Variants in OPCML observed in about 807,000 individuals in gnomAD.
The protein encoded by OPCML is opioid-binding protein/cell adhesion molecule.
A neutral mutation model predicts 37.8 loss-of-function variants in OPCML; 13 were observed. That is an observed-to-expected ratio of 0.34 (90% CI 0.22 to 0.55). The LOEUF (loss-of-function observed/expected upper bound fraction) is 0.55. Ranked by LOEUF, OPCML falls within the 20% of genes least tolerant of loss-of-function variation. OPCML has a pLI of 0.91. For missense variants in OPCML, 341 were observed against 435.6 expected (o/e 0.78, Z 1.93); for synonymous variants, 176 against 168.8 (o/e 1.04, Z -0.33).
At chr11:133,317,776 C>T (rs765110275) in intron 1 of OPCML, among the ~76,000 whole-genome samples, 5 of 152,198 alleles carry the variant, frequency 3.3e-5, no homozygotes, top group Non-Finnish European at 5.9e-5. Context: ...TTAGCAGAAC[C>T]TCCAGATTCA....
intron 2 of OPCML, among the ~76,000 whole-genome samples, chr11:132,883,030 G>GA: frequency 6.6e-6 from 1 of 152,276 alleles, no homozygotes; most frequent in Non-Finnish European, 1.5e-5. Flanking sequence ...TGCGACAGTT[G>GA]AAAAAGAATT....
intron 1 of OPCML, among the ~76,000 whole-genome samples, chr11:133,283,601 A>T (rs1942220477): frequency 6.6e-6 from 1 of 152,156 alleles, no homozygotes; most frequent in Admixed American, 6.5e-5. Context: ...AAATGGACTA[A>T]TACATGTGGT....
chr11:133,184,024 G>T lies in OPCML; in HGVS notation c.62-241014C>A, dbSNP rs1215238863. Reference sequence around the variant, plus strand: ...TGATAAAACGCAGTGTAGCTATCTGGCTCAGCAGAGATGATCTGAGCTTGA... The same window carrying T: ...TGATAAAACGCAGTGTAGCTATCTGTCTCAGCAGAGATGATCTGAGCTTGA... On this transcript the variant is annotated intron_variant, in intron 1 of 7. Coordinates refer to ENST00000524381, the MANE Select transcript of OPCML (RefSeq NM_001012393.5). Among the ~76,000 whole-genome samples, 12 of 152,118 alleles carry T rather than the reference G, an allele frequency of 7.9e-5. 1 individual carries two copies. The highest frequency in any genetic ancestry group is 7.9e-4 in the Admixed American group (12 of 15,276).
intron 2 of OPCML, among the ~76,000 whole-genome samples, chr11:132,831,071 G>A (rs1056993145): frequency 9.2e-5 from 14 of 151,700 alleles, no homozygotes; most frequent in Admixed American, 3.3e-4. Flanking sequence ...GATAATGAAG[G>A]CTTAATTTTG....
chr11:133,300,790 G>T (rs190791562), intron 1 of OPCML: 1 of 152,170 alleles, frequency 6.6e-6, no homozygotes, highest in African/African-American at 2.4e-5. Context: ...GAGGCAGAGC[G>T]TGATTTCATA....
chr11:132,937,523 G>A (rs1438938381), intron 2 of OPCML, among the ~76,000 whole-genome samples: 1 of 150,758 alleles, frequency 6.6e-6, no homozygotes, highest in Admixed American at 6.6e-5. Flanking sequence ...TCTGTGTGGT[G>A]TGTGGTGTGT....
At chr11:132,591,521 G>A (rs2096484417) in intron 3 of OPCML, among the ~76,000 whole-genome samples, 1 of 152,140 alleles carries the variant, frequency 6.6e-6, no homozygotes, top group African/African-American at 2.4e-5. Context: ...CATGGCACCA[G>A]GATCTAATGA....
At chr11:133,459,201 A>G (rs757253972) in intron 1 of OPCML, among the ~76,000 whole-genome samples, 1 of 152,058 alleles carries the variant, frequency 6.6e-6, no homozygotes, top group Non-Finnish European at 1.5e-5. Flanking sequence ...CCCCATAGTA[A>G]CCACAAAGAA....
At position 133,305,200 on chromosome 11, in the gene OPCML, C is replaced by G. The variant is rs190931056; in HGVS notation, c.61+227064G>C. Among the ~76,000 whole-genome samples, 288 of 152,250 alleles carry G rather than the reference C, an allele frequency of 1.9e-3. 3 individuals are homozygous for G. Among genetic ancestry groups the G allele is most frequent in the African/African-American group, 5.7e-3 (237 of 41,556 alleles). On this transcript the variant is annotated intron_variant, in intron 1 of 7. Coordinates refer to ENST00000524381, the MANE Select transcript of OPCML (RefSeq NM_001012393.5). ...TGAGTATTACATAAGATAGCAGACA[C>G]GAAGCAGGCACAGTGACTGTCTTAG... is the stretch of plus-strand genomic sequence containing the variant.
intron 2 of OPCML, among the ~76,000 whole-genome samples, chr11:132,935,722 T>C (rs1945346884): frequency 6.6e-6 from 1 of 152,214 alleles, no homozygotes; most frequent in African/African-American, 2.4e-5. Context: ...GCGCTCTCTG[T>C]GTTCACAGTC....
At chr11:132,765,887 A>T (rs1169782683) in intron 2 of OPCML, among the ~76,000 whole-genome samples, 1 of 152,184 alleles carries the variant, frequency 6.6e-6, no homozygotes, top group Admixed American at 6.5e-5. Context: ...TCAGGACTGG[A>T]AAGAGAAGGC....
chr11:132,618,331 C>T (rs2137895609), intron 3 of OPCML, among the ~76,000 whole-genome samples: 1 of 152,176 alleles, frequency 6.6e-6, no homozygotes, highest in Non-Finnish European at 1.5e-5. Flanking sequence ...ATGGTGAAAC[C>T]CCATCTGTAC....
At chr11:132,904,560 G>A (rs538320233) in intron 2 of OPCML, among the ~76,000 whole-genome samples, 1 of 152,188 alleles carries the variant, frequency 6.6e-6, no homozygotes, top group Non-Finnish European at 1.5e-5. Flanking sequence ...ACTCCTCTGG[G>A]AACTGACTAT....
intron 2 of OPCML, among the ~76,000 whole-genome samples, chr11:132,796,505 G>A (rs2136192207): frequency 6.7e-6 from 1 of 149,130 alleles, no homozygotes; most frequent in South Asian, 2.2e-4. Context: ...CGGCAGAATA[G>A]GAGAATTCAA....
At chr11:133,129,013 G>A (rs536103285) in intron 1 of OPCML, among the ~76,000 whole-genome samples, 61 of 152,282 alleles carry the variant, frequency 4.0e-4, no homozygotes, top group Non-Finnish European at 7.1e-4. Context: ...AGAGGTCCGC[G>A]AGAGCTGGAA....
At chr11:132,761,302 A>G (rs1591571424) in intron 2 of OPCML, among the ~76,000 whole-genome samples, 1 of 150,014 alleles carries the variant, frequency 6.7e-6, no homozygotes, top group Non-Finnish European at 1.5e-5. Context: ...GCTCTCCTCA[A>G]GGAGTATCTT....
At chr11:132,715,635 T>C (rs1380403120) in intron 2 of OPCML, among the ~76,000 whole-genome samples, 1 of 152,224 alleles carries the variant, frequency 6.6e-6, no homozygotes, top group African/African-American at 2.4e-5. Flanking sequence ...CTTTCTGCCA[T>C]GTGAGGTTAC....
intron 1 of OPCML, among the ~76,000 whole-genome samples, chr11:133,286,470 C>CAAAAAA (rs60645863): frequency 9.8e-5 from 5 of 51,274 alleles, no homozygotes; most frequent in African/African-American, 2.0e-4. Flanking sequence ...CTGTGTCTCA[C>CAAAAAA]AAAAAAAAAA....
chr11:133,168,206 G>A (rs1249631947), intron 1 of OPCML, among the ~76,000 whole-genome samples: 2 of 152,134 alleles, frequency 1.3e-5, no homozygotes, highest in Admixed American at 6.5e-5. Context: ...ATGCCTCCCC[G>A]AATTGCGCAA....
Sources: gnomAD v4.1 joint callset for allele counts (sites outside exome capture counted in the v4.1 genomes callset) on GRCh38, gnomAD v4.1.1 for gene constraint, MANE v1.5 for transcripts, NCBI Gene and HGNC (gene_info 2026-07-23, HGNC 2026-07-21) for gene names.